SPATA1: variants seen among roughly 807,000 people sequenced by gnomAD.
SPATA1 encodes the protein spermatogenesis associated 1.
Under a neutral mutation model 59.6 loss-of-function variants are expected in SPATA1, and 57 were observed. The ratio of observed to expected loss-of-function variants is 0.96; its 90% CI spans 0.77 to 1.19. The LOEUF (loss-of-function observed/expected upper bound fraction) is 1.19, where lower values mean the gene tolerates loss of function less well. Ranked by LOEUF, SPATA1 falls within the 50% of genes most tolerant of loss-of-function variation. The probability of loss-of-function intolerance (pLI) is 0.00; values close to 1 mark genes in which losing one functional copy is unlikely to be tolerated. For missense variants in SPATA1, 448 were observed against 480.7 expected (o/e 0.93, Z 0.64); for synonymous variants, 147 against 163.9 (o/e 0.90, Z 0.79).
chr1:84,513,547 G>T (rs999176637), intron 1 of SPATA1, among the ~76,000 whole-genome samples: 1 of 152,198 alleles, frequency 6.6e-6, no homozygotes, highest in Admixed American at 6.5e-5. Flanking sequence ...CAGCAGTGGA[G>T]GCACATATCC....
At chr1:84,532,973 A>C in exon 7 of SPATA1, 1 of 1,545,522 alleles carries the variant, frequency 6.5e-7, no homozygotes. Flanking sequence ...CACTAAAAAA[A>C]GGTAATTAGT....
chr1:84,565,777 TTAA>T (rs1185020655), intron 4 of SPATA1, 81 bp from the exon 14 acceptor site: 2 of 924,638 alleles, frequency 2.2e-6, no homozygotes, highest in Non-Finnish European at 2.9e-6. Flanking sequence ...TAAAAACATC[TTAA>T]TATTTTAATT....
chr1:84,565,753 T>C, intron 4 of SPATA1, 108 bp from the exon 14 acceptor site: 1 of 732,182 alleles, frequency 1.4e-6, no homozygotes, highest in Non-Finnish European at 1.9e-6. Context: ...CGTATACATA[T>C]AACTTAGAAA....
At chr1:84,555,072 G>A (rs1350835578), downstream of SPATA1, 12 of 1,613,812 alleles carry the variant, frequency 7.4e-6, no homozygotes, top group African/African-American at 1.3e-5. Context: ...AGCATCTCCA[G>A]AGTAGTCAAG....
rs987027323 is a variant in SPATA1 at position 84,563,415 on chromosome 1, G to C, written n.443-2446G>C. On this transcript the variant is annotated intron_variant and non_coding_transcript_variant, in intron 4 of 4. Coordinates refer to the SPATA1 transcript ENST00000460286. ...GGGACTTTTGCAATGGTACAAACAT[G>C]ATCCTAGAAATGCAAAAGTGCTCAT... 2.7e-5 allele frequency: 41 copies of C among 1,509,046 alleles called. No homozygotes were observed. The highest frequency in any genetic ancestry group is 3.6e-5 in the Non-Finnish European group (41 of 1,132,606). The allele number at this position is 1,509,046 out of a possible 1,614,324, so 93.5% of individuals were successfully genotyped here.
At chr1:84,518,992 G>A (rs1248707624) in intron 2 of SPATA1, among the ~76,000 whole-genome samples, 2 of 151,810 alleles carry the variant, frequency 1.3e-5, no homozygotes, top group Non-Finnish European at 2.9e-5. Flanking sequence ...CTTCTTAGAA[G>A]TCAGTATTTA....
exon 13 of SPATA1, chr1:84,554,129 A>G (rs1570461708): frequency 6.6e-6 from 1 of 152,266 alleles, no homozygotes; most frequent in East Asian, 1.9e-4. Flanking sequence ...ATAAAAATAA[A>G]AAAGATACAT....
At position 84,539,140 on chromosome 1, in the gene SPATA1, C is replaced by T. The variant is rs115757386; in HGVS notation, c.718-5062C>T. Among the ~76,000 whole-genome samples, 629 of 152,204 alleles carry T rather than the reference C, an allele frequency of 4.1e-3. 1 individual carries two copies. The highest frequency in any genetic ancestry group is 7.2e-3 in the Admixed American group (110 of 15,288). ...TGTCTGTCCAGATTATCCAGTGATG[C>T]TTGATGTATAGTAGATTGGAATGCT... On this transcript the variant is annotated intron_variant, in intron 8 of 12. Transcript: ENST00000490879.
At chr1:84,531,287 C>T (rs181153438) in intron 6 of SPATA1, among the ~76,000 whole-genome samples, 3 of 152,006 alleles carry the variant, frequency 2.0e-5, no homozygotes, top group East Asian at 1.9e-4. Flanking sequence ...CCCAGCCTCC[C>T]GAGTAGCTGG....
downstream of SPATA1, among the ~76,000 whole-genome samples, chr1:84,557,464 C>T (rs1285681685): frequency 2.6e-4 from 34 of 131,930 alleles, no homozygotes; most frequent in Admixed American, 2.7e-4. Context: ...ACCTGGGAGG[C>T]GGAGGGCGCA....
At chr1:84,512,392 T>G (rs145314464) in intron 1 of SPATA1, among the ~76,000 whole-genome samples, 54 of 152,350 alleles carry the variant, frequency 3.5e-4, no homozygotes, top group Non-Finnish European at 6.0e-4. Flanking sequence ...CTTTTCTGGC[T>G]CCCAATCAAT....
exon 13 of SPATA1, chr1:84,553,509 T>C (rs1684337695): frequency 6.6e-6 from 1 of 152,354 alleles, no homozygotes; most frequent in Non-Finnish European, 1.5e-5. Flanking sequence ...CAGACTTCAT[T>C]TAACTTAATT....
At chr1:84,550,581 A>C in intron 12 of SPATA1, 51 bp downstream of exon 12, 2 of 1,446,218 alleles carry the variant, frequency 1.4e-6, no homozygotes, top group Non-Finnish European at 1.8e-6. Flanking sequence ...TCTTGAAATA[A>C]AATATTTTGG....
At chr1:84,564,306 T>C (rs1558628480) in intron 4 of SPATA1, among the ~76,000 whole-genome samples, 2 of 152,204 alleles carry the variant, frequency 1.3e-5, no homozygotes, top group African/African-American at 4.8e-5. Flanking sequence ...ATGTGTCATC[T>C]ATAGTGGGAG....
At chr1:84,562,648 T>C (rs1684616830) in intron 4 of SPATA1, among the ~76,000 whole-genome samples, 1 of 152,218 alleles carries the variant, frequency 6.6e-6, no homozygotes, top group Non-Finnish European at 1.5e-5. Context: ...CTGTAACTTT[T>C]CTTTGCCATT....
chr1:84,546,073 G>C (rs71652678), intron 10 of SPATA1, among the ~76,000 whole-genome samples: 1 of 152,104 alleles, frequency 6.6e-6, no homozygotes, highest in Admixed American at 6.6e-5. Flanking sequence ...TAGGGGCTTA[G>C]GAGACACTAT....
chr1:84,545,691 GAAAT>G lies in SPATA1; in HGVS notation c.880_883del (p.Asn294GlufsTer4), dbSNP rs1684063238. ...AAGGAAGAAAGAAGGTATCTGGAAA[GAAAT>G]AGAGAAGAACTAGTAAAAACGGTTG... On this transcript the variant is annotated frameshift_variant, in exon 10 of 13. Coordinates refer to ENST00000490879, the Ensembl canonical transcript of SPATA1. LOFTEE classifies it high-confidence loss of function. 4.6e-6 allele frequency: 7 copies of G among 1,538,346 alleles called. No individual in the cohort carries two copies. The highest frequency in any genetic ancestry group is 5.2e-6 in the Non-Finnish European group (6 of 1,150,332).
intron 3 of SPATA1, among the ~76,000 whole-genome samples, chr1:84,521,193 AAGGG>A (rs757620328): frequency 6.9e-6 from 1 of 144,454 alleles, no homozygotes; most frequent in African/African-American, 2.5e-5. Context: ...GAACGGAAGG[AAGGG>A]AGGGAGGGAG....
At chr1:84,559,368 GC>G (rs1271239763), downstream of SPATA1, among the ~76,000 whole-genome samples, 1 of 152,168 alleles carries the variant, frequency 6.6e-6, no homozygotes, top group African/African-American at 2.4e-5. Context: ...CGCCTGTAAT[GC>G]CAACACTTTG....
Sources: allele counts gnomAD v4.1 joint callset (sites outside exome capture counted in the v4.1 genomes callset), GRCh38; gene constraint gnomAD v4.1.1; transcripts MANE v1.5; gene names NCBI Gene and HGNC (gene_info 2026-07-23, HGNC 2026-07-21).